The following BMPR1B variants were observed in gnomAD, a reference collection of about 807,000 sequenced individuals.
The protein encoded by BMPR1B is bone morphogenetic protein receptor type-1B.
In BMPR1B, 12 loss-of-function variants were observed where a neutral mutation model predicts 59.1. That is an observed-to-expected ratio of 0.20 (90% CI 0.13 to 0.33). The LOEUF is 0.33. Ranked by LOEUF, BMPR1B falls within the 10% of genes least tolerant of loss-of-function variation. The pLI is 1.00. For synonymous variants in BMPR1B, 237 were observed against 207.3 expected (o/e 1.14, Z -1.23); for missense variants, 550 against 610.9 (o/e 0.90, Z 1.05).
chr4:95,124,333 T>G, intron 7 of BMPR1B, among the ~76,000 whole-genome samples: 1 of 152,160 alleles, frequency 6.6e-6, no homozygotes, highest in South Asian at 2.1e-4. Context: ...TCCTTTATTA[T>G]ATTAAATTCG....
At chr4:94,931,324 G>C (rs1452319372) in intron 2 of BMPR1B, among the ~76,000 whole-genome samples, 9 of 152,030 alleles carry the variant, frequency 5.9e-5, no homozygotes, top group Admixed American at 5.9e-4. Context: ...GACTCCTTTA[G>C]ACTTTTAAAG....
chr4:94,860,749 GTCT>G (rs1725945661), intron 1 of BMPR1B, among the ~76,000 whole-genome samples: 1 of 152,166 alleles, frequency 6.6e-6, no homozygotes, highest in African/African-American at 2.4e-5. Context: ...GCAGAGCTGA[GTCT>G]TCTTATGTAG....
chr4:95,140,500 A>G (rs1393868049), intron 10 of BMPR1B, among the ~76,000 whole-genome samples: 1 of 152,046 alleles, frequency 6.6e-6, no homozygotes, highest in African/African-American at 2.4e-5. Context: ...CCTAGCTTGG[A>G]AAGTCCCTGA....
intron 2 of BMPR1B, among the ~76,000 whole-genome samples, chr4:94,902,085 GT>G (rs1315442594): frequency 4.4e-4 from 59 of 132,722 alleles, no homozygotes; most frequent in East Asian, 9.7e-4. Flanking sequence ...GTGTGTGTGT[GT>G]GGGGTGTATT....
intron 1 of BMPR1B, among the ~76,000 whole-genome samples, chr4:94,828,645 A>T (rs1199341130): frequency 6.7e-6 from 1 of 149,852 alleles, no homozygotes; most frequent in African/African-American, 2.5e-5. Flanking sequence ...GAGAATGGAT[A>T]TTTTTTTTCC....
chr4:94,862,624 T>C (rs1175744142), intron 1 of BMPR1B, among the ~76,000 whole-genome samples: 1 of 150,722 alleles, frequency 6.6e-6, no homozygotes, highest in Non-Finnish European at 1.5e-5. Context: ...GTCAACATGA[T>C]AAAACACCGT....
intron 3 of BMPR1B, among the ~76,000 whole-genome samples, chr4:95,090,006 C>A (rs559054441): frequency 1.4e-4 from 22 of 152,118 alleles, no homozygotes; most frequent in African/African-American, 2.9e-4. Context: ...TTCTTTCATT[C>A]GGCCTCAGGG....
chr4:95,052,579 TTGTGGATG>T (rs1483994656), intron 3 of BMPR1B, among the ~76,000 whole-genome samples: 79 of 152,280 alleles, frequency 5.2e-4, no homozygotes, highest in African/African-American at 1.7e-3. Flanking sequence ...CTTTATGTAC[TTGTGGATG>T]CATATTATAG....
At chr4:94,961,996 A>C (rs900267860) in intron 2 of BMPR1B, among the ~76,000 whole-genome samples, 3 of 151,968 alleles carry the variant, frequency 2.0e-5, no homozygotes, top group African/African-American at 2.4e-5. Flanking sequence ...ATTGTTCTTA[A>C]CTATAGTCAC....
chr4:95,090,004 T>C (rs952842898), intron 3 of BMPR1B, among the ~76,000 whole-genome samples: 7 of 152,086 alleles, frequency 4.6e-5, no homozygotes, highest in African/African-American at 1.7e-4. Context: ...TCTTCTTTCA[T>C]TCGGCCTCAG....
chr4:94,894,040 G>A (rs1727494720), intron 2 of BMPR1B, among the ~76,000 whole-genome samples: 1 of 151,974 alleles, frequency 6.6e-6, no homozygotes, highest in Admixed American at 6.6e-5. Flanking sequence ...TGCTGCTAAC[G>A]CCCACCTTGA....
rs115526588 is a variant in BMPR1B, at chr4:94,960,418, G to A, written c.-112-35622G>A. 8.4e-3 allele frequency among the ~76,000 whole-genome samples: 1,277 copies of A among 152,054 alleles called. 17 individuals are homozygous for A. The highest frequency in any genetic ancestry group is 0.029 in the African/African-American group (1,201 of 41,472). Reference sequence around the variant, plus strand: ...GGGACTACCCAGAGATGGTACCATCGGTTTCTTATATAGTCATAAGTCATG... The same window carrying A: ...GGGACTACCCAGAGATGGTACCATCAGTTTCTTATATAGTCATAAGTCATG... On this transcript the variant is annotated intron_variant, in intron 2 of 12. Transcript: ENST00000515059.
chr4:94,971,775 G>T (rs904387696), intron 2 of BMPR1B, among the ~76,000 whole-genome samples: 8 of 151,766 alleles, frequency 5.3e-5, no homozygotes, highest in African/African-American at 1.9e-4. Flanking sequence ...TTATGACCAT[G>T]AAATTGGAAG....
At chr4:95,126,027 A>C (rs193015670) in intron 8 of BMPR1B, among the ~76,000 whole-genome samples, 1 of 152,144 alleles carries the variant, frequency 6.6e-6, no homozygotes, top group East Asian at 1.9e-4. Context: ...ACTGGACATC[A>C]CTCCAACTCA....
In BMPR1B at chr4:95,088,355, G is replaced by C. The variant is rs747923565; in HGVS notation, c.-17-16053G>C. 7.9e-5 allele frequency among the ~76,000 whole-genome samples: 12 copies of C among 152,128 alleles called. No homozygotes were observed. In the South Asian group the frequency reaches 2.3e-3, roughly 29 times the overall value. ...AGAGACAGGAGCCTGGCATAGTTGG[G>C]GGTGGGTAGATTATTTTGATGGTGC... On this transcript the variant is annotated intron_variant, in intron 3 of 12. Coordinates refer to ENST00000515059, the MANE Select transcript of BMPR1B (RefSeq NM_001203.3).
chr4:95,123,671 A>T, intron 6 of BMPR1B, 139 bp from the exon 7 acceptor site: 1 of 688,708 alleles, frequency 1.5e-6, no homozygotes, highest in East Asian at 2.8e-5. Context: ...ATGGGTTTTT[A>T]AAAAATTAAT....
chr4:94,795,664 A>G (rs928103775), intron 1 of BMPR1B, among the ~76,000 whole-genome samples: 3 of 152,022 alleles, frequency 2.0e-5, no homozygotes, highest in Non-Finnish European at 4.4e-5. Context: ...GGGTTTCACC[A>G]TATTGGCCAG....
intron 1 of BMPR1B, among the ~76,000 whole-genome samples, chr4:94,779,877 A>T (rs535466243): frequency 1.8e-4 from 28 of 152,176 alleles, no homozygotes; most frequent in African/African-American, 6.3e-4. Flanking sequence ...TATTCCTAAT[A>T]TACTGTTTTA....
rs537536408 is a variant in BMPR1B at position 95,091,612 on chromosome 4, C to T, written c.-17-12796C>T. On this transcript the variant is annotated intron_variant, in intron 3 of 12. Coordinates refer to ENST00000515059, the MANE Select transcript of BMPR1B (RefSeq NM_001203.3). ...GGGAGCCTGGCAACCATATATCAAGCGTACAGAAATCAAAAGTGAGTAGTG... is the reference window on the plus strand; with the variant it reads ...GGGAGCCTGGCAACCATATATCAAGTGTACAGAAATCAAAAGTGAGTAGTG... The T allele has an allele frequency of 1.9e-5, 19 of 985,112 alleles. No homozygotes were observed. The African/African-American group carries it at 2.6e-4, about 14-fold the overall frequency. 61.0% of individuals were successfully genotyped at this position (985,112 alleles called of 1,614,324 possible).
Sources: gnomAD v4.1 joint callset for allele counts (sites outside exome capture counted in the v4.1 genomes callset) on GRCh38, gnomAD v4.1.1 for gene constraint, MANE v1.5 for transcripts, NCBI Gene and HGNC (gene_info 2026-07-23, HGNC 2026-07-21) for gene names.